FSTL4: variants seen among roughly 807,000 people sequenced by gnomAD.
FSTL4 encodes the protein follistatin-related protein 4.
Under a neutral mutation model 78.2 loss-of-function variants are expected in FSTL4, and 28 were observed. The observed-to-expected ratio is 0.36, with a 90% CI of 0.27 to 0.49. The LOEUF is 0.49. FSTL4 is among the 20% of genes least tolerant of loss of function. FSTL4 has a pLI of 0.98. For synonymous variants in FSTL4, 422 were observed against 440.5 expected, an observed-to-expected ratio of 0.96 and a Z score of 0.53; for missense variants, 922 against 1,084.9, an observed-to-expected ratio of 0.85 and a Z score of 2.11.
the FSTL4 span, among the ~76,000 whole-genome samples, chr5:133,750,676 CG>C: frequency 6.6e-6 from 1 of 152,172 alleles, no homozygotes; most frequent in Admixed American, 6.5e-5. Context: ...CTCCCTGTCC[CG>C]GCTCCTAACA....
chr5:133,395,243 C>G (rs575263685), intron 4 of FSTL4, among the ~76,000 whole-genome samples: 72 of 152,314 alleles, frequency 4.7e-4, no homozygotes, highest in African/African-American at 1.7e-3. Flanking sequence ...GCTGCTCACT[C>G]TTTGGGTCCG....
chr5:133,658,761 A>G, the FSTL4 span, among the ~76,000 whole-genome samples: 1 of 152,122 alleles, frequency 6.6e-6, no homozygotes, highest in African/African-American at 2.4e-5. Flanking sequence ...AATTTATTTA[A>G]AGCCATAAAT....
Position 133,611,818 on chromosome 5 carries a change from C to G in FSTL4, c.-11+507G>C, listed in dbSNP as rs568686802. Among the ~76,000 whole-genome samples, 2 of 152,146 alleles carry G rather than the reference C, an allele frequency of 1.3e-5. No individual in the cohort carries two copies. The highest frequency in any genetic ancestry group is 4.8e-5 in the African/African-American group (2 of 41,444). ...GGAGACGCAAGTTTCCCCGCAAAGC[C>G]GCGGGGAGGAGGTGCTGAGAATGCC... is the stretch of plus-strand genomic sequence containing the variant. On this transcript the variant is annotated intron_variant, in intron 1 of 15. Transcript: ENST00000265342. The surrounding 1 kb of genome is among the most constrained non-coding windows in gnomAD (Gnocchi z 4.9).
At chr5:133,282,453 A>G (rs1581591096) in intron 6 of FSTL4, among the ~76,000 whole-genome samples, 2 of 152,196 alleles carry the variant, frequency 1.3e-5, no homozygotes, top group African/African-American at 4.8e-5. Context: ...GTTGAGTTCC[A>G]ATTAACATTC....
intron 5 of FSTL4, among the ~76,000 whole-genome samples, chr5:133,315,615 T>C (rs1274532139): frequency 2.6e-5 from 4 of 152,180 alleles, no homozygotes; most frequent in African/African-American, 9.7e-5. Context: ...AGAAAAAGGC[T>C]GCCCACCGCC....
chr5:133,202,181 A>G (rs1470013366), intron 14 of FSTL4, 139 bp from the exon 15 acceptor site: 1 of 550,184 alleles, frequency 1.8e-6, no homozygotes, highest in Non-Finnish European at 3.3e-6. Flanking sequence ...AATCTCAGGG[A>G]AGAGGCAGGA....
intron 3 of FSTL4, among the ~76,000 whole-genome samples, chr5:133,525,115 A>G (rs1464052099): frequency 6.6e-6 from 1 of 152,178 alleles, no homozygotes; most frequent in Admixed American, 6.5e-5. Context: ...CACAGTCGAT[A>G]TGTCAGTTTG....
At chr5:133,385,617 G>C (rs1755680789) in intron 4 of FSTL4, among the ~76,000 whole-genome samples, 1 of 152,170 alleles carries the variant, frequency 6.6e-6, no homozygotes, top group South Asian at 2.1e-4. Flanking sequence ...GCTCCTCTGA[G>C]GTGAGCCATA....
chr5:133,466,424 C>T (rs1157051890), intron 3 of FSTL4, among the ~76,000 whole-genome samples: 1 of 152,100 alleles, frequency 6.6e-6, no homozygotes, highest in Non-Finnish European at 1.5e-5. Flanking sequence ...CGCCTGTAGT[C>T]CCAGCTACTC....
intron 13 of FSTL4, 39 bp from the exon 14 acceptor site, chr5:133,210,337 G>C: frequency 8.3e-7 from 1 of 1,205,054 alleles, no homozygotes; most frequent in Non-Finnish European, 1.2e-6. Flanking sequence ...AAGCTGACAT[G>C]ATGGTCATTT....
At chr5:133,499,369 T>TAC (rs57363602) in intron 3 of FSTL4, among the ~76,000 whole-genome samples, 29,242 of 126,500 alleles carry the variant, frequency 0.23, 3,379 homozygotes, top group East Asian at 0.39. Context: ...ACAAGGGGAA[T>TAC]ACACACACAC....
intron 2 of FSTL4, among the ~76,000 whole-genome samples, chr5:133,579,502 T>C (rs919546105): frequency 6.6e-6 from 1 of 152,168 alleles, no homozygotes; most frequent in Non-Finnish European, 1.5e-5. Flanking sequence ...CAGCAGTCCA[T>C]GATCCATAAG....
intron 13 of FSTL4, among the ~76,000 whole-genome samples, chr5:133,211,810 C>A (rs1478602427): frequency 6.6e-6 from 1 of 152,168 alleles, no homozygotes; most frequent in Non-Finnish European, 1.5e-5. Context: ...CTTCTAATAA[C>A]CCTCTATACT....
At chr5:133,562,386 A>C (rs1437486254) in intron 3 of FSTL4, among the ~76,000 whole-genome samples, 1 of 152,216 alleles carries the variant, frequency 6.6e-6, no homozygotes, top group Admixed American at 6.5e-5. Context: ...GCAGAGAACT[A>C]TAAAGGGGCT....
intron 2 of FSTL4, among the ~76,000 whole-genome samples, chr5:133,594,531 A>G (rs1473101885): frequency 6.6e-6 from 1 of 152,224 alleles, no homozygotes; most frequent in East Asian, 1.9e-4. Flanking sequence ...TAATATGAGA[A>G]CAGCAGTAAC....
chr5:133,744,258 C>T, the FSTL4 span, among the ~76,000 whole-genome samples: 5 of 152,156 alleles, frequency 3.3e-5, no homozygotes, highest in East Asian at 1.9e-4. Context: ...CTGTAAGCAC[C>T]GTTGAAACTA....
chr5:133,740,661 ACTCCCT>A, the FSTL4 span, among the ~76,000 whole-genome samples: 2 of 151,712 alleles, frequency 1.3e-5, no homozygotes, highest in Non-Finnish European at 2.9e-5. Context: ...TTATAAGAAC[ACTCCCT>A]CTCCTGCATC....
At chr5:133,294,403 C>T (rs1427154560) in intron 6 of FSTL4, among the ~76,000 whole-genome samples, 1 of 152,152 alleles carries the variant, frequency 6.6e-6, no homozygotes, top group African/African-American at 2.4e-5. Context: ...AAAAGAGACC[C>T]TGCCTCAGAG....
intron 3 of FSTL4, among the ~76,000 whole-genome samples, chr5:133,558,717 A>T (rs2112935419): frequency 6.6e-6 from 1 of 152,200 alleles, no homozygotes; most frequent in African/African-American, 2.4e-5. Flanking sequence ...CCCAAATAAG[A>T]GCATGTAGAG....
Sources: gnomAD v4.1 joint callset for allele counts (sites outside exome capture counted in the v4.1 genomes callset) on GRCh38, gnomAD v4.1.1 for gene constraint, Gnocchi (gnomAD v3.1) non-coding constraint, MANE v1.5 for transcripts, NCBI Gene and HGNC (gene_info 2026-07-23, HGNC 2026-07-21) for gene names.